ACTR2: variants seen among roughly 807,000 people sequenced by gnomAD.
ACTR2 encodes actin-related protein 2.
In ACTR2, 5 loss-of-function variants were observed where a neutral mutation model predicts 50.2. The ratio of observed to expected loss-of-function variants is 0.10; its 90% CI spans 0.05 to 0.21. ACTR2 has a LOEUF of 0.21. Among genes scored for constraint, ACTR2 ranks in the 10% least tolerant of loss-of-function variants. ACTR2 has a pLI of 1.00. For synonymous variants in ACTR2, 140 were observed against 162.9 expected (o/e 0.86, Z 1.07); for missense variants, 180 against 480.6 (o/e 0.37, Z 5.85).
Position 65,251,897 on chromosome 2 carries a change from G to T in ACTR2, c.448+798G>T, listed in dbSNP as rs1374390717. ...TTAGCAACTGCCTCCCTCTTTATTG[G>T]AAATAAAATATTGGCCACGTTGGGA... On this transcript the variant is annotated intron_variant, in intron 4 of 8. Coordinates refer to ENST00000260641, the MANE Select transcript of ACTR2 (RefSeq NM_005722.4). 3.3e-5 allele frequency among the ~76,000 whole-genome samples: 5 copies of T among 151,674 alleles called. No individual in the cohort carries two copies. The East Asian group carries it at 9.7e-4, about 29-fold the overall frequency.
At chr2:65,241,509 A>G (rs562127753) in intron 2 of ACTR2, among the ~76,000 whole-genome samples, 6 of 152,218 alleles carry the variant, frequency 3.9e-5, no homozygotes, top group South Asian at 2.1e-4. Context: ...TCTGTATTCT[A>G]TTGGCTCAAT....
At chr2:65,229,772 G>GA (rs895450715) in intron 1 of ACTR2, among the ~76,000 whole-genome samples, 4 of 136,384 alleles carry the variant, frequency 2.9e-5, no homozygotes, top group African/African-American at 1.1e-4. Context: ...AAAAAAAAAA[G>GA]AAAAACAAAA....
intron 1 of ACTR2, among the ~76,000 whole-genome samples, chr2:65,235,845 C>T (rs1671730303): frequency 6.6e-6 from 1 of 151,966 alleles, no homozygotes; most frequent in Non-Finnish European, 1.5e-5. Context: ...CTTGGTGGCT[C>T]AATATAAACT....
chr2:65,247,129 A>G (rs1171355806), intron 3 of ACTR2, among the ~76,000 whole-genome samples: 4 of 152,124 alleles, frequency 2.6e-5, no homozygotes, highest in East Asian at 1.9e-4. Context: ...CCCATGAGCA[A>G]TGCAGGGGTT....
chr2:65,229,180 ATAT>A (rs141430401), intron 1 of ACTR2, among the ~76,000 whole-genome samples: 26,898 of 152,070 alleles, frequency 0.18, 3,092 homozygotes, highest in Middle Eastern at 0.26. Context: ...GAAGATGGAA[ATAT>A]TATTTATTCT....
chr2:65,229,766 A>AAG lies in ACTR2; in HGVS notation c.48+1810_48+1811insGA, dbSNP rs1553405863. On this transcript the variant is annotated intron_variant, in intron 1 of 8. Transcript: ENST00000260641. ...ACTCCGTCTCAAAAAAAAAAAAAAA[A>AAG]AAAAAGAAAAACAAAACATATTAAT... Among the ~76,000 whole-genome samples the AAG allele has an allele frequency of 3.3e-3, 490 of 148,946 alleles. 4 individuals carry two copies. Among genetic ancestry groups the AAG allele is most frequent in the Non-Finnish European group, 4.5e-3 (301 of 67,222 alleles).
At chr2:65,244,796 G>T (rs1177613756) in intron 2 of ACTR2, among the ~76,000 whole-genome samples, 1 of 151,566 alleles carries the variant, frequency 6.6e-6, no homozygotes, top group Non-Finnish European at 1.5e-5. Flanking sequence ...AAAAATACAA[G>T]AATTAGCTGG....
intron 7 of ACTR2, among the ~76,000 whole-genome samples, chr2:65,263,619 A>G (rs535875517): frequency 6.6e-6 from 1 of 152,254 alleles, no homozygotes; most frequent in South Asian, 2.1e-4. Flanking sequence ...ACTCATAACA[A>G]GCTATAAACC....
At chr2:65,264,889 G>A (rs1265561371) in intron 7 of ACTR2, among the ~76,000 whole-genome samples, 154 bp from the exon 8 acceptor site, 3 of 152,170 alleles carry the variant, frequency 2.0e-5, no homozygotes, top group Non-Finnish European at 4.4e-5. Flanking sequence ...TTACTTCACA[G>A]TAGTAATAAC....
chr2:65,267,862 C>CTTTTTTTTTTTTTTTTTTTT lies in ACTR2; in HGVS notation c.1015-693_1015-674dup, dbSNP rs70943640. Among the ~76,000 whole-genome samples, 37 of 47,412 alleles carry CTTTTTTTTTTTTTTTTTTTT rather than the reference C, an allele frequency of 7.8e-4. 8 individuals carry two copies. The highest frequency in any genetic ancestry group is 8.4e-4 in the Non-Finnish European group (22 of 26,196). 31.1% of individuals were successfully genotyped at this position (47,412 alleles called of 152,430 possible). ...ACCTTGAAGAAGTCATGCAAGTCCT[C>CTTTTTTTTTTTTTTTTTTTT]TTTTTTTTTTTTTTTTTTTTTTTTT... On this transcript the variant is annotated intron_variant, in intron 8 of 8. Coordinates refer to ENST00000260641, the MANE Select transcript of ACTR2 (RefSeq NM_005722.4).
intron 1 of ACTR2, among the ~76,000 whole-genome samples, chr2:65,230,143 A>G (rs973479464): frequency 7.2e-5 from 11 of 152,212 alleles, no homozygotes; most frequent in African/African-American, 2.7e-4. Flanking sequence ...GTGCGGCTAA[A>G]ATTCAGTTAA....
At chr2:65,246,233 C>A (rs1671936736) in intron 2 of ACTR2, 1 of 216,372 alleles carries the variant, frequency 4.6e-6, no homozygotes, top group South Asian at 9.7e-5. Flanking sequence ...AAACCTCATA[C>A]AAAACCCTCC....
At position 65,241,913 on chromosome 2, in the gene ACTR2, A is replaced by G. The variant is rs577251190; in HGVS notation, c.159+1951A>G. ...AATTATTAACTCCATTAAATATAGT[A>G]GTACTGCATCTGACCTCAACCTAAT... On this transcript the variant is annotated intron_variant, in intron 2 of 8. Coordinates refer to ENST00000260641, the MANE Select transcript of ACTR2 (RefSeq NM_005722.4). The G allele has an allele frequency of 4.9e-6, 5 of 1,013,962 alleles. No individual in the cohort carries two copies. The African/African-American group carries it at 7.8e-5, about 16-fold the overall frequency. The allele number at this position is 1,013,962 out of a possible 1,614,324, so 62.8% of individuals were successfully genotyped here.
rs150308037 is a variant in ACTR2, at chr2:65,261,414, C to G, written c.881+22C>G. 378 of 1,587,446 alleles carry G rather than the reference C, an allele frequency of 2.4e-4. 2 individuals are homozygous for G. The East Asian group carries it at 8.3e-3, about 35-fold the overall frequency. On this transcript the variant is annotated intron_variant, in intron 7 of 8. Coordinates refer to ENST00000260641, the MANE Select transcript of ACTR2 (RefSeq NM_005722.4). The stretch of plus-strand genomic sequence containing the variant: ...CCAGGTACATTAGAAGTGGTGATTT[C>G]AAAGTTATTTATCAGAAAAATCATA...
chr2:65,247,112 C>T (rs1036017093), intron 3 of ACTR2, among the ~76,000 whole-genome samples: 2 of 151,498 alleles, frequency 1.3e-5, no homozygotes, highest in Non-Finnish European at 2.9e-5. Context: ...GTGAGTGATC[C>T]AGTTGACCCA....
At position 65,265,029 on chromosome 2, in the gene ACTR2, T is replaced by C. The variant is rs778020306; in HGVS notation, c.882-14T>C. On this transcript the variant is annotated splice_polypyrimidine_tract_variant and intron_variant, in intron 7 of 8. Transcript: ENST00000260641. ...ACCTAAAACTCCAAATGAATAACCA[T>C]TGTGCCTTTCTAGATCTGAATTCTA... 12 of 1,613,940 alleles carry C rather than the reference T, an allele frequency of 7.4e-6. No homozygotes were observed. In the Admixed American group the frequency reaches 2.0e-4, roughly 27 times the overall value.
At chr2:65,243,215 G>C (rs931061633) in intron 2 of ACTR2, among the ~76,000 whole-genome samples, 1 of 152,082 alleles carries the variant, frequency 6.6e-6, no homozygotes, top group Non-Finnish European at 1.5e-5. Flanking sequence ...GGAGGCAGAG[G>C]TTGCAGTGAG....
chr2:65,232,328 G>A (rs565691193), intron 1 of ACTR2, among the ~76,000 whole-genome samples: 51 of 152,322 alleles, frequency 3.3e-4, no homozygotes, highest in African/African-American at 1.1e-3. Flanking sequence ...AGGTCCAGTC[G>A]TACAGAGAAG....
chr2:65,228,262 A>G (rs766649175), intron 1 of ACTR2: 14 of 333,816 alleles, frequency 4.2e-5, no homozygotes, highest in Admixed American at 4.9e-5. Flanking sequence ...TGCGGGGGCA[A>G]TTGGGCTAAA....
Sources: gnomAD v4.1 joint callset for allele counts (sites outside exome capture counted in the v4.1 genomes callset) on GRCh38, gnomAD v4.1.1 for gene constraint, MANE v1.5 for transcripts, NCBI Gene and HGNC (gene_info 2026-07-23, HGNC 2026-07-21) for gene names.